SLC1A5: variants seen among roughly 807,000 people sequenced by gnomAD.
The protein encoded by SLC1A5 is neutral amino acid transporter B(0).
A neutral mutation model predicts 34.9 loss-of-function variants in SLC1A5; 25 were observed. The observed-to-expected ratio is 0.72, with a 90% CI of 0.52 to 1.00. The LOEUF (loss-of-function observed/expected upper bound fraction) is 1.00, where lower values mean the gene tolerates loss of function less well. Ranked by LOEUF, SLC1A5 falls within the 50% of genes least tolerant of loss-of-function variation. The pLI is 0.00. For missense variants in SLC1A5, 637 were observed against 740.0 expected (o/e 0.86, Z 1.61); for synonymous variants, 351 against 341.2 (o/e 1.03, Z -0.32).
chr19:46,782,342 T>TGCCAACCCCCCCCCCCCCCCCCCCCA, intron 4 of SLC1A5, 41 bp downstream of exon 4: 1 of 523,370 alleles, frequency 1.9e-6, no homozygotes, highest in Non-Finnish European at 3.5e-6. Context: ...AGACCGACCC[T>TGCCAACCCCCCCCCCCCCCCCCCCCA]CCAACCCCAC....
Position 46,787,616 on chromosome 19 carries a change from G to A in SLC1A5, c.350C>T (p.Ala117Val), listed in dbSNP as rs764128901. 1 of 1,564,028 alleles carries A rather than the reference G, an allele frequency of 6.4e-7. No homozygotes were observed. The highest frequency in any genetic ancestry group is 8.6e-7 in the Non-Finnish European group (1 of 1,157,330). ...GCCGAGCGCGCCGGGGTCCAGGCTG[G>A]CGGCGCCGCCGATCAAGCTGCACAC... ...LVVCSLIGGA[A>V]SLDPGALGRL... The change falls in exon 1 of 8, where the codon GCC becomes GTC. Residue 117 changes from alanine (A) to valine (V), a missense_variant. Coordinates refer to ENST00000542575, the MANE Select transcript of SLC1A5 (RefSeq NM_005628.3). The surrounding 1 kb of genome is among the most constrained non-coding windows in gnomAD (Gnocchi z 5.2).
rs761402207 is a variant in SLC1A5 at position 46,775,627 on chromosome 19, A to G, written c.1509T>C (p.Ser503=). 4.3e-6 allele frequency: 7 copies of G among 1,613,760 alleles called. No homozygotes were observed. The highest frequency in any genetic ancestry group is 5.9e-6 in the Non-Finnish European group (7 of 1,179,938). ...STEPELIQVK[S]ELPLDPLPVP... ...CTGGCAGCGGATCCAGGGGCAGCTCACTCTTCACTTGTATCAACTCAGGCT... is the reference window on the plus strand; with the variant it reads ...CTGGCAGCGGATCCAGGGGCAGCTCGCTCTTCACTTGTATCAACTCAGGCT... The change falls in exon 8 of 8, where the codon AGT becomes AGC. Residue 503 remains serine, a synonymous_variant. Transcript: ENST00000542575.
intron 1 of SLC1A5, among the ~76,000 whole-genome samples, chr19:46,785,419 G>A (rs1183827273): frequency 6.6e-6 from 1 of 152,190 alleles, no homozygotes; most frequent in East Asian, 1.9e-4. Flanking sequence ...AGCACCTACC[G>A]TGTGGCAGGC....
Position 46,787,919 on chromosome 19 carries a change from T to C in SLC1A5, c.47A>G (p.Glu16Gly), listed in dbSNP as rs2055198818. 6.4e-7 allele frequency: 1 copy of C among 1,574,462 alleles called. No individual in the cohort carries two copies. Among genetic ancestry groups the C allele is most frequent in the East Asian group, 2.4e-5 (1 of 42,012 alleles). Residue 16 changes from glutamate to glycine, a missense_variant, in exon 1 of 8, where the codon GAG (glutamate) becomes GGG (glycine). Physicochemically the swap from Glu to Gly is moderately conservative, Grantham distance 98. Transcript: ENST00000542575. The surrounding 1 kb of genome is among the most constrained non-coding windows in gnomAD (Gnocchi z 5.2). The stretch of plus-strand genomic sequence containing the variant: ...CGCCAGGCCCCCGTTGGCGGTGGGC[T>C]CCGCCGCTGCGAGCCCCTTGGAGTC... ...PRDSKGLAAA[E>G]PTANGGLALA...
chr19:46,775,888 C>A, intron 7 of SLC1A5, 141 bp from the exon 8 acceptor site: 3 of 735,124 alleles, frequency 4.1e-6, no homozygotes, highest in African/African-American at 1.8e-5. Context: ...GCCTGGGCAA[C>A]ATAGTGAGAT....
Position 46,778,763 on chromosome 19 carries a change from T to C in SLC1A5, c.970A>G (p.Ile324Val), listed in dbSNP as rs2055120733. 6.2e-7 allele frequency: 1 copy of C among 1,613,828 alleles called. No homozygotes were observed. Among genetic ancestry groups the C allele is most frequent in the Non-Finnish European group, 8.5e-7 (1 of 1,179,960 alleles). The change falls in exon 5 of 8, where the codon ATC becomes GTC. Residue 324 changes from isoleucine (I) to valine (V), a missense_variant. Coordinates refer to ENST00000542575, the MANE Select transcript of SLC1A5 (RefSeq NM_005628.3). ...TTTTTGCGGGTGAAGAGGAAGTAGA[T>C]GAGGGGCAGTACCAGGAGCCCATGG... ...AIHGLLVLPL[I>V]YFLFTRKNPY...
In SLC1A5 at chr19:46,787,838, T is replaced by G; in HGVS notation, c.128A>C (p.Asp43Ala). ...GGCTCGAAGGCAGCGGCGCACCTGG[T>G]CCCGGGAACCGCAGTAGCCGCCTGC... ...AAAGGYCGSR[D>A]QVRRCLRANL... The change falls in exon 1 of 8, where the codon GAC becomes GCC. Residue 43 changes from aspartate to alanine, a missense_variant. By Grantham distance (126) the Asp-to-Ala change is moderately radical (BLOSUM62 -2). Coordinates refer to ENST00000542575, the MANE Select transcript of SLC1A5 (RefSeq NM_005628.3). This position sits in a 1 kb window ranked among gnomAD's most constrained non-coding sequence, Gnocchi z 5.2. 1 of 1,552,580 alleles carries G rather than the reference T, an allele frequency of 6.4e-7. No individual in the cohort carries two copies. Among genetic ancestry groups the G allele is most frequent in the Non-Finnish European group, 8.7e-7 (1 of 1,148,804 alleles).
At chr19:46,781,900 CTTTCT>C in intron 4 of SLC1A5, among the ~76,000 whole-genome samples, 2 of 152,236 alleles carry the variant, frequency 1.3e-5, no homozygotes, top group Middle Eastern at 6.8e-3. Flanking sequence ...ACCGTATTCA[CTTTCT>C]TTTCTTTTCT....
intron 3 of SLC1A5, 144 bp downstream of exon 3, chr19:46,783,953 C>T (rs914161474): frequency 4.4e-6 from 3 of 674,874 alleles, no homozygotes; most frequent in Non-Finnish European, 8.0e-6. Flanking sequence ...AGAGACCTAT[C>T]CAGAAGGCAG....
In SLC1A5 at chr19:46,775,433, T is replaced by C; in HGVS notation, c.*77A>G. ...GCAGGCAGACCCCCAGAGCCCTAGCTCATCCATTTATCCATTCCTCATAAT... is the reference window on the plus strand; with the variant it reads ...GCAGGCAGACCCCCAGAGCCCTAGCCCATCCATTTATCCATTCCTCATAAT... On this transcript the variant is annotated 3_prime_UTR_variant, in exon 8 of 8. Coordinates refer to ENST00000542575, the MANE Select transcript of SLC1A5 (RefSeq NM_005628.3). 6.5e-7 allele frequency: 1 copy of C among 1,536,788 alleles called. No homozygotes were observed. The highest frequency in any genetic ancestry group is 8.7e-7 in the Non-Finnish European group (1 of 1,143,306).
chr19:46,787,429 C>T lies in SLC1A5; in HGVS notation c.537G>A (p.Glu179=). The stretch of plus-strand genomic sequence containing the variant: ...CAAGATCCAGGAACGAATCGAGCAC[C>T]TCCTTGCTGGGGGCATTTTCGGCAC... ...AGSAENAPSK[E]VLDSFLDLAR... is the part of the protein sequence containing the mutation. Residue 179 remains glutamate (E), a synonymous_variant, in exon 1 of 8, where the codon GAG becomes GAA. Coordinates refer to ENST00000542575, the MANE Select transcript of SLC1A5 (RefSeq NM_005628.3). The surrounding 1 kb of genome is among the most constrained non-coding windows in gnomAD (Gnocchi z 5.2). The T allele has an allele frequency of 1.2e-6, 2 of 1,602,154 alleles. No homozygotes were observed. The highest frequency in any genetic ancestry group is 1.7e-6 in the Non-Finnish European group (2 of 1,175,282).
Position 46,787,420 on chromosome 19 carries a change from A to G in SLC1A5, c.546T>C (p.Asp182=). The change falls in exon 1 of 8, where the codon GAT becomes GAC. Residue 182 remains aspartate, a synonymous_variant. Transcript: ENST00000542575. This position sits in a 1 kb window ranked among gnomAD's most constrained non-coding sequence, Gnocchi z 5.2. The stretch of plus-strand genomic sequence containing the variant: ...CTGACCTCGCAAGATCCAGGAACGA[A>G]TCGAGCACCTCCTTGCTGGGGGCAT... ...AENAPSKEVL[D]SFLDLARNIF... is the part of the protein sequence containing the mutation. 1 of 1,601,112 alleles carries G rather than the reference A, an allele frequency of 6.2e-7. No homozygotes were observed. Among genetic ancestry groups the G allele is most frequent in the Non-Finnish European group, 8.5e-7 (1 of 1,174,794 alleles).
chr19:46,782,818 G>T lies in SLC1A5; in HGVS notation c.658-269C>A, dbSNP rs192505794. On this transcript the variant is annotated intron_variant, in intron 3 of 7. Coordinates refer to ENST00000542575, the MANE Select transcript of SLC1A5 (RefSeq NM_005628.3). ...TGGGGAGTAGGGGGCAGTCAGGGGG[G>T]ACTTCCTGGAGGAAGGAGCATCTGA... is the stretch of plus-strand genomic sequence containing the variant. Among the ~76,000 whole-genome samples the T allele has an allele frequency of 2.0e-3, 305 of 152,262 alleles. 2 individuals carry two copies. The highest frequency in any genetic ancestry group is 7.1e-3 in the African/African-American group (296 of 41,548).
At chr19:46,779,580 GC>G (rs1383465519) in intron 4 of SLC1A5, among the ~76,000 whole-genome samples, 1 of 151,966 alleles carries the variant, frequency 6.6e-6, no homozygotes, top group African/African-American at 2.4e-5. Context: ...CATGACTTGA[GC>G]CAATACGCTC....
Position 46,777,360 on chromosome 19 carries a change from A to T in SLC1A5, c.1104T>A (p.Asn368Lys). 2 of 1,613,558 alleles carry T rather than the reference A, an allele frequency of 1.2e-6. No individual in the cohort carries two copies. The highest frequency in any genetic ancestry group is 1.7e-6 in the Non-Finnish European group (2 of 1,179,930). The change falls in exon 6 of 8, where the codon AAT (asparagine) becomes AAA (lysine). Residue 368 changes from asparagine to lysine, a missense_variant. Physicochemically the swap from Asn to Lys is moderately conservative, Grantham distance 94 (BLOSUM62 0). Coordinates refer to ENST00000542575, the MANE Select transcript of SLC1A5 (RefSeq NM_005628.3). ...AACGGCTGATGTGCTTGGCCACGCCATTATTCTCCTCCACGCACTTCATCA... is the reference window on the plus strand; with the variant it reads ...AACGGCTGATGTGCTTGGCCACGCCTTTATTCTCCTCCACGCACTTCATCA... ...PLMMKCVEEN[N>K]GVAKHISRFI...
At chr19:46,779,663 G>T (rs963984486) in intron 4 of SLC1A5, among the ~76,000 whole-genome samples, 1 of 152,108 alleles carries the variant, frequency 6.6e-6, no homozygotes, top group Non-Finnish European at 1.5e-5. Flanking sequence ...TTTAGGAGGT[G>T]AAAGCAGGAG....
intron 4 of SLC1A5, 37 bp downstream of exon 4, chr19:46,782,346 A>ACCCCCCCCCCCCCCCCCCCCACAACCCCC: frequency 1.8e-6 from 1 of 567,986 alleles, no homozygotes; most frequent in East Asian, 3.6e-5. Flanking sequence ...CGACCCTCCA[A>ACCCCCCCCCCCCCCCCCCCCACAACCCCC]CCCCACCCAC....
intron 6 of SLC1A5, 49 bp downstream of exon 6, chr19:46,777,162 G>C (rs947311524): frequency 6.2e-7 from 1 of 1,604,204 alleles, no homozygotes; most frequent in African/African-American, 1.3e-5. Context: ...GGAGAAGATG[G>C]GGGTCAACAG....
Position 46,787,521 on chromosome 19 carries a change from A to G in SLC1A5, c.445T>C (p.Leu149=). 2 of 1,577,490 alleles carry G rather than the reference A, an allele frequency of 1.3e-6. No homozygotes were observed. The highest frequency in any genetic ancestry group is 1.2e-5 in the South Asian group (1 of 86,956). Residue 149 remains leucine (L), a synonymous_variant, in exon 1 of 8, where the codon TTG becomes CTG. Transcript: ENST00000542575. The surrounding 1 kb of genome is among the most constrained non-coding windows in gnomAD (Gnocchi z 5.2). ...GCGCCCGGCTGCAGAGCCAGCGCCA[A>G]GCCCACTCCGAGCGCCGACGCCAGC... ...TLLASALGVG[L]ALALQPGAAS...
Sources: gnomAD v4.1 joint callset for allele counts (sites outside exome capture counted in the v4.1 genomes callset) on GRCh38, gnomAD v4.1.1 for gene constraint, Gnocchi (gnomAD v3.1) non-coding constraint, MANE v1.5 for transcripts, NCBI Gene and HGNC (gene_info 2026-07-23, HGNC 2026-07-21) for gene names.